CSMD1: variants seen among roughly 807,000 people sequenced by gnomAD.
CSMD1 encodes the protein CUB and Sushi multiple domains 1, also known as CUB and sushi domain-containing protein 1.
CSMD1 carries 213 observed loss-of-function variants against 417.5 expected under a neutral mutation model. The observed-to-expected ratio is 0.51, with a 90% CI of 0.46 to 0.57. The LOEUF is 0.57. CSMD1 is among the 20% of genes least tolerant of loss of function. The pLI is 0.00. For missense variants in CSMD1, 6,923 were observed against 4,529.7 expected, an observed-to-expected ratio of 1.53 and a Z score of -15.17; for synonymous variants, 2,862 against 1,736.8, an observed-to-expected ratio of 1.65 and a Z score of -16.11.
intron 38 of CSMD1, among the ~76,000 whole-genome samples, chr8:3,160,409 C>G (rs1819809021): frequency 6.6e-6 from 1 of 152,148 alleles, no homozygotes; most frequent in Admixed American, 6.5e-5. Context: ...AGGTGTGAGC[C>G]ACTGCAACCG....
chr8:3,929,728 C>G (rs1810010559), intron 5 of CSMD1, among the ~76,000 whole-genome samples: 1 of 149,470 alleles, frequency 6.7e-6, no homozygotes, highest in African/African-American at 2.5e-5. Context: ...TTGGCACAAT[C>G]TCGGCTCACT....
intron 2 of CSMD1, among the ~76,000 whole-genome samples, chr8:4,538,722 G>A (rs529667947): frequency 3.3e-5 from 5 of 152,148 alleles, no homozygotes; most frequent in Non-Finnish European, 7.4e-5. Context: ...ATACATCCTA[G>A]CAAGTAAACC....
At chr8:3,310,184 C>G (rs1805214193) in intron 23 of CSMD1, among the ~76,000 whole-genome samples, 1 of 152,184 alleles carries the variant, frequency 6.6e-6, no homozygotes, top group Admixed American at 6.5e-5. Context: ...ACCTTCATCT[C>G]ACTGCATAAT....
At chr8:3,667,303 G>A (rs115967309) in intron 7 of CSMD1, among the ~76,000 whole-genome samples, 1,856 of 152,176 alleles carry the variant, frequency 0.012, 41 homozygotes, top group African/African-American at 0.043. Flanking sequence ...GAAAAATAAG[G>A]AAAGATAAAA....
intron 25 of CSMD1, among the ~76,000 whole-genome samples, chr8:3,305,185 T>G (rs762317345): frequency 2.6e-5 from 4 of 152,176 alleles, no homozygotes; most frequent in Non-Finnish European, 4.4e-5. Context: ...ATGCCTGGCC[T>G]ATTTATTTCC....
intron 11 of CSMD1, among the ~76,000 whole-genome samples, chr8:3,488,423 G>C (rs1205961380): frequency 6.6e-6 from 1 of 152,060 alleles, no homozygotes; most frequent in Non-Finnish European, 1.5e-5. Flanking sequence ...CATGTCTTTT[G>C]ACCTTTTACA....
chr8:4,629,410 C>A (rs775750968), intron 2 of CSMD1, among the ~76,000 whole-genome samples: 7 of 152,272 alleles, frequency 4.6e-5, no homozygotes, highest in Middle Eastern at 3.4e-3. Context: ...CTTACTGGCA[C>A]AAATGTATTG....
intron 55 of CSMD1, among the ~76,000 whole-genome samples, chr8:2,974,978 T>C (rs537109716): frequency 1.3e-5 from 2 of 152,320 alleles, no homozygotes; most frequent in Middle Eastern, 3.4e-3. Context: ...TTTGCGAAAG[T>C]AACATGGATG....
At chr8:4,176,385 T>G (rs1714787) in intron 3 of CSMD1, among the ~76,000 whole-genome samples, 31,642 of 152,054 alleles carry the variant, frequency 0.21, 3,477 homozygotes, top group East Asian at 0.38. Flanking sequence ...TTAAGCCTCT[T>G]ATTCTCATTT....
intron 2 of CSMD1, among the ~76,000 whole-genome samples, chr8:4,568,842 G>A (rs1033171957): frequency 1.3e-5 from 2 of 152,068 alleles, no homozygotes; most frequent in Non-Finnish European, 2.9e-5. Context: ...ATCTCATAGT[G>A]GTTTTGATTT....
chr8:3,397,504 A>T (rs1405917527), intron 16 of CSMD1, among the ~76,000 whole-genome samples: 1 of 152,186 alleles, frequency 6.6e-6, no homozygotes, highest in Non-Finnish European at 1.5e-5. Flanking sequence ...ATAAAGAGGA[A>T]TTTGAACCAT....
At chr8:3,672,667 G>A (rs149535595) in intron 7 of CSMD1, among the ~76,000 whole-genome samples, 1 of 152,228 alleles carries the variant, frequency 6.6e-6, no homozygotes, top group Non-Finnish European at 1.5e-5. Context: ...CAGTGTCACT[G>A]GGCATCTGTT....
intron 23 of CSMD1, among the ~76,000 whole-genome samples, chr8:3,327,232 TC>T (rs1175358400): frequency 6.6e-6 from 1 of 151,716 alleles, no homozygotes; most frequent in Non-Finnish European, 1.5e-5. Flanking sequence ...AAGCTCCGCC[TC>T]CCAGGTTCAC....
At chr8:4,197,465 C>T (rs1585004905) in intron 3 of CSMD1, among the ~76,000 whole-genome samples, 1 of 152,154 alleles carries the variant, frequency 6.6e-6, no homozygotes, top group Non-Finnish European at 1.5e-5. Flanking sequence ...CCCGTTTCAT[C>T]ACTTGAAGGC....
intron 2 of CSMD1, among the ~76,000 whole-genome samples, chr8:4,460,179 C>G (rs1394708543): frequency 6.6e-6 from 1 of 151,672 alleles, no homozygotes; most frequent in African/African-American, 2.4e-5. Flanking sequence ...GAGCTCAATG[C>G]AAGAAAATTA....
At chr8:4,526,320 A>C (rs1272884158) in intron 2 of CSMD1, among the ~76,000 whole-genome samples, 1 of 152,242 alleles carries the variant, frequency 6.6e-6, no homozygotes, top group African/African-American at 2.4e-5. Context: ...TGTCAGAAAT[A>C]CTTTTGCAAA....
chr8:4,188,366 T>C (rs1798807571), intron 3 of CSMD1, among the ~76,000 whole-genome samples: 1 of 152,192 alleles, frequency 6.6e-6, no homozygotes, highest in Admixed American at 6.5e-5. Context: ...CCTTCATTCA[T>C]TCTGCATAAT....
chr8:3,483,449 CTAAA>C (rs1435944323), intron 11 of CSMD1, among the ~76,000 whole-genome samples: 1 of 151,970 alleles, frequency 6.6e-6, no homozygotes, highest in Non-Finnish European at 1.5e-5. Flanking sequence ...AACAGACAAT[CTAAA>C]TAGTCCTTTA....
intron 3 of CSMD1, among the ~76,000 whole-genome samples, chr8:4,275,728 T>C (rs1045665303): frequency 6.6e-6 from 1 of 152,154 alleles, no homozygotes; most frequent in Non-Finnish European, 1.5e-5. Context: ...TCACAATGAG[T>C]ATAACTTTAC....
Sources: allele counts gnomAD v4.1 joint callset (sites outside exome capture counted in the v4.1 genomes callset), GRCh38; gene constraint gnomAD v4.1.1; transcripts MANE v1.5; gene names NCBI Gene and HGNC (gene_info 2026-07-23, HGNC 2026-07-21).